SLC4A10: variants seen among roughly 807,000 people sequenced by gnomAD.
SLC4A10 encodes the protein solute carrier family 4 member 10, also known as sodium-driven chloride bicarbonate exchanger.
A neutral mutation model predicts 137.7 loss-of-function variants in SLC4A10; 42 were observed. The observed-to-expected ratio is 0.30, with a 90% CI of 0.24 to 0.39. The LOEUF (loss-of-function observed/expected upper bound fraction) is 0.39, where lower values mean the gene tolerates loss of function less well. Among genes scored for constraint, SLC4A10 ranks in the 10% least tolerant of loss-of-function variants. SLC4A10 has a pLI of 1.00. For synonymous variants in SLC4A10, 474 were observed against 464.1 expected, an observed-to-expected ratio of 1.02 and a Z score of -0.27; for missense variants, 925 against 1,355.0, an observed-to-expected ratio of 0.68 and a Z score of 4.98.
chr2:161,819,755 A>C (rs1436217795), intron 3 of SLC4A10, among the ~76,000 whole-genome samples: 3 of 152,148 alleles, frequency 2.0e-5, no homozygotes, highest in African/African-American at 7.2e-5. Context: ...CAGCCTCCCA[A>C]AGTGCTGGGA....
chr2:161,678,564 C>T (rs2040509895), intron 1 of SLC4A10, among the ~76,000 whole-genome samples: 1 of 152,142 alleles, frequency 6.6e-6, no homozygotes, highest in Admixed American at 6.6e-5. Flanking sequence ...AGCCATCACT[C>T]TGATCAAGGT....
chr2:161,908,083 C>T (rs991327450), intron 15 of SLC4A10, among the ~76,000 whole-genome samples: 1 of 151,906 alleles, frequency 6.6e-6, no homozygotes, highest in Admixed American at 6.6e-5. Flanking sequence ...GAGCCCTGAA[C>T]AATTTTCACA....
intron 2 of SLC4A10, among the ~76,000 whole-genome samples, chr2:161,787,455 A>T (rs1168857074): frequency 6.6e-6 from 1 of 151,906 alleles, no homozygotes; most frequent in Non-Finnish European, 1.5e-5. Context: ...TTTTATCTGG[A>T]TGTCTACCTC....
chr2:161,843,335 TAAACCATCA>T, intron 4 of SLC4A10, among the ~76,000 whole-genome samples: 1 of 152,294 alleles, frequency 6.6e-6, no homozygotes, highest in South Asian at 2.1e-4. Context: ...ATGTTTGTCC[TAAACCATCA>T]AAATATATTG....
intron 21 of SLC4A10, among the ~76,000 whole-genome samples, chr2:161,959,608 AAG>A (rs992972741): frequency 5.3e-5 from 8 of 151,800 alleles, no homozygotes; most frequent in Non-Finnish European, 7.4e-5. Flanking sequence ...AGCAATATAA[AAG>A]AGAGAGAGAG....
At chr2:161,666,709 T>G (rs1323666058) in intron 1 of SLC4A10, among the ~76,000 whole-genome samples, 1 of 151,708 alleles carries the variant, frequency 6.6e-6, no homozygotes, top group Non-Finnish European at 1.5e-5. Flanking sequence ...AAGGAGTTCT[T>G]AAGGATTTGC....
In SLC4A10 at chr2:161,763,215, A is replaced by G. The variant is rs111875241; in HGVS notation, c.49-7758A>G. ...TTTCTACTCTACCCTTTATTTGGCA[A>G]TATTTTTTTGAAAGATGTTTCTTAC... On this transcript the variant is annotated intron_variant, in intron 1 of 26. Transcript: ENST00000446997. Among the ~76,000 whole-genome samples the G allele has an allele frequency of 2.5e-3, 385 of 152,042 alleles. 3 individuals are homozygous for G. The highest frequency in any genetic ancestry group is 8.8e-3 in the African/African-American group (367 of 41,506).
intron 19 of SLC4A10, among the ~76,000 whole-genome samples, chr2:161,951,645 C>T (rs987270328): frequency 2.6e-5 from 4 of 152,132 alleles, no homozygotes; most frequent in Non-Finnish European, 4.4e-5. Context: ...GCTATTTTCA[C>T]ATACCCTTTA....
chr2:161,807,328 AGTT>A (rs766935641), intron 3 of SLC4A10, among the ~76,000 whole-genome samples: 1 of 152,176 alleles, frequency 6.6e-6, no homozygotes, highest in Non-Finnish European at 1.5e-5. Context: ...GTGTTTTCGT[AGTT>A]GTTAAAAGGT....
intron 23 of SLC4A10, among the ~76,000 whole-genome samples, chr2:161,972,935 A>C (rs1698801818): frequency 6.6e-6 from 1 of 152,246 alleles, no homozygotes; most frequent in African/African-American, 2.4e-5. Flanking sequence ...TTGTTTCTTT[A>C]GGTAGCAAGA....
chr2:161,845,134 A>G (rs1266224473), intron 4 of SLC4A10, among the ~76,000 whole-genome samples: 1 of 152,096 alleles, frequency 6.6e-6, no homozygotes, highest in East Asian at 1.9e-4. Flanking sequence ...AGTGATTACA[A>G]ATCTTGAAAC....
At chr2:161,783,041 C>A (rs1322710265) in intron 2 of SLC4A10, among the ~76,000 whole-genome samples, 25 of 151,864 alleles carry the variant, frequency 1.6e-4, no homozygotes, top group Admixed American at 1.6e-3. Flanking sequence ...ACCTTATAAT[C>A]AAATTGTCAA....
intron 15 of SLC4A10, among the ~76,000 whole-genome samples, chr2:161,930,719 TCTC>T (rs943224933): frequency 1.3e-5 from 2 of 152,016 alleles, no homozygotes; most frequent in Non-Finnish European, 2.9e-5. Context: ...AAGTAATACT[TCTC>T]CTTTCTACTC....
chr2:161,796,868 C>T (rs1469051604), intron 2 of SLC4A10, among the ~76,000 whole-genome samples: 3 of 152,050 alleles, frequency 2.0e-5, no homozygotes, highest in African/African-American at 7.2e-5. Flanking sequence ...TACATGTGCA[C>T]ATGTCTTTTA....
intron 1 of SLC4A10, among the ~76,000 whole-genome samples, chr2:161,705,421 G>A (rs1303080557): frequency 6.6e-6 from 1 of 151,496 alleles, no homozygotes; most frequent in East Asian, 1.9e-4. Flanking sequence ...TTATTATAAA[G>A]AAGTTCTTGC....
intron 11 of SLC4A10, among the ~76,000 whole-genome samples, chr2:161,895,059 C>G (rs1177676526): frequency 8.1e-6 from 1 of 123,782 alleles, no homozygotes; most frequent in African/African-American, 3.0e-5. Context: ...GCTATCCCTC[C>G]CCCCTCCCCC....
At chr2:161,761,060 T>C (rs1015205639) in intron 1 of SLC4A10, among the ~76,000 whole-genome samples, 1 of 152,002 alleles carries the variant, frequency 6.6e-6, no homozygotes, top group Admixed American at 6.6e-5. Context: ...CCAGGCAAAT[T>C]CATACATTTT....
At chr2:161,796,465 T>C (rs1183280818) in intron 2 of SLC4A10, among the ~76,000 whole-genome samples, 1 of 152,194 alleles carries the variant, frequency 6.6e-6, no homozygotes, top group Non-Finnish European at 1.5e-5. Context: ...AGGCTGGGCA[T>C]GTTTACATGG....
chr2:161,979,189 C>T (rs1438524140), intron 26 of SLC4A10, among the ~76,000 whole-genome samples: 2 of 152,308 alleles, frequency 1.3e-5, no homozygotes, highest in South Asian at 4.1e-4. Flanking sequence ...AAAGTCCAAA[C>T]TTTTCCTCTA....
Sources: gnomAD v4.1 joint callset for allele counts (sites outside exome capture counted in the v4.1 genomes callset) on GRCh38, gnomAD v4.1.1 for gene constraint, MANE v1.5 for transcripts, NCBI Gene and HGNC (gene_info 2026-07-23, HGNC 2026-07-21) for gene names.